The following JPH1 variants were observed in gnomAD, a reference collection of about 807,000 sequenced individuals.
The protein encoded by JPH1 is junctophilin-1.
JPH1 carries 12 observed loss-of-function variants against 53.6 expected under a neutral mutation model. The ratio of observed to expected loss-of-function variants is 0.22; its 90% confidence interval spans 0.14 to 0.36. The LOEUF is 0.36. Ranked by LOEUF, JPH1 falls within the 10% of genes least tolerant of loss-of-function variation. JPH1 has a pLI of 1.00. For missense variants in JPH1, 808 were observed against 905.5 expected (o/e 0.89, Z 1.38); for synonymous variants, 375 against 363.8 (o/e 1.03, Z -0.35).
chr8:74,300,929 T>A (rs1563417674), intron 2 of JPH1, among the ~76,000 whole-genome samples: 1 of 152,182 alleles, frequency 6.6e-6, no homozygotes, highest in African/African-American at 2.4e-5. Flanking sequence ...GGAGCCTTAC[T>A]GGCCCCCCGC....
chr8:74,318,583 G>A (rs75031211), intron 1 of JPH1, among the ~76,000 whole-genome samples: 3,398 of 152,224 alleles, frequency 0.022, 123 homozygotes, highest in African/African-American at 0.077. Flanking sequence ...TCAGCAACAT[G>A]TAATACACAA....
rs1285534127 is a variant in JPH1 at position 74,321,536 on chromosome 8, G to C, written c.-249C>G. Reference sequence around the variant, plus strand: ...CGCCGCCTGGGCCAGCGCCGCGCGCGAGAGGACAGCCCAGGTTCCCGAGCG... The same window carrying C: ...CGCCGCCTGGGCCAGCGCCGCGCGCCAGAGGACAGCCCAGGTTCCCGAGCG... On this transcript the variant is annotated 5_prime_UTR_variant, in exon 1 of 6. Transcript: ENST00000342232. The surrounding 1 kb of genome is among the most constrained non-coding windows in gnomAD (Gnocchi z 4.3). 1 of 417,894 alleles carries C rather than the reference G, an allele frequency of 2.4e-6. No homozygotes were observed. 25.9% of individuals were successfully genotyped at this position (417,894 alleles called of 1,614,324 possible).
chr8:74,308,737 G>A (rs554955122), intron 2 of JPH1, among the ~76,000 whole-genome samples: 6 of 152,242 alleles, frequency 3.9e-5, no homozygotes, highest in South Asian at 2.1e-4. Flanking sequence ...TAAGAGAAGC[G>A]GGGTTGAGGA....
chr8:74,273,151 CTTAAATG>C (rs1456952872), intron 2 of JPH1, among the ~76,000 whole-genome samples: 1 of 152,184 alleles, frequency 6.6e-6, no homozygotes, highest in Non-Finnish European at 1.5e-5. Flanking sequence ...TAACTACCAA[CTTAAATG>C]TTATAAGGTG....
At chr8:74,264,328 T>C (rs972469258) in intron 2 of JPH1, among the ~76,000 whole-genome samples, 4 of 152,142 alleles carry the variant, frequency 2.6e-5, no homozygotes, top group African/African-American at 9.7e-5. Flanking sequence ...TTTAAAGAGA[T>C]AGGACGTGGA....
chr8:74,289,019 T>A (rs994528229), intron 2 of JPH1, among the ~76,000 whole-genome samples: 1 of 152,178 alleles, frequency 6.6e-6, no homozygotes, highest in East Asian at 1.9e-4. Context: ...TGGGCCAATA[T>A]GGGCTCACCC....
At chr8:74,263,355 ACT>A (rs1806446734) in intron 2 of JPH1, among the ~76,000 whole-genome samples, 1 of 152,144 alleles carries the variant, frequency 6.6e-6, no homozygotes, top group Non-Finnish European at 1.5e-5. Context: ...TACTGATCTG[ACT>A]CTTAAAACTT....
In JPH1 at chr8:74,236,461, ATG is replaced by A. The variant is rs1322093763; in HGVS notation, c.*588_*589del. 5.2e-5 allele frequency: 8 copies of A among 152,570 alleles called. No individual in the cohort carries two copies. The highest frequency in any genetic ancestry group is 1.0e-4 in the Non-Finnish European group (7 of 68,036). The allele number at this position is 152,570 out of a possible 1,614,324, so 9.5% of individuals were successfully genotyped here. A position where few individuals can be genotyped will look rare whatever the true frequency, so the allele number is the denominator to read the frequency against. ...GTTCTCTCCCAGAACATTCCAGGAG[ATG>A]TTAAAGCAGCAGGTCATGGCATAAG... On this transcript the variant is annotated 3_prime_UTR_variant, in exon 6 of 6. Transcript: ENST00000342232.
chr8:74,321,472 A>C lies in JPH1; in HGVS notation c.-185T>G. ...TCCTCCCTCCTCTTTTGCCGCCGCCACCGCCGCCTTCCTCCTCCTCCTCCT... is the reference window on the plus strand; with the variant it reads ...TCCTCCCTCCTCTTTTGCCGCCGCCCCCGCCGCCTTCCTCCTCCTCCTCCT... On this transcript the variant is annotated 5_prime_UTR_variant, in exon 1 of 6. Coordinates refer to ENST00000342232, the MANE Select transcript of JPH1 (RefSeq NM_020647.4). This position sits in a 1 kb window ranked among gnomAD's most constrained non-coding sequence, Gnocchi z 4.3. 1 of 529,010 alleles carries C rather than the reference A, an allele frequency of 1.9e-6. No homozygotes were observed. Among genetic ancestry groups the C allele is most frequent in the South Asian group, 4.2e-5 (1 of 23,752 alleles). The allele number at this position is 529,010 out of a possible 1,614,324, so 32.8% of individuals were successfully genotyped here.
At chr8:74,319,780 G>A (rs899043793) in intron 1 of JPH1, among the ~76,000 whole-genome samples, 1 of 152,090 alleles carries the variant, frequency 6.6e-6, no homozygotes, top group African/African-American at 2.4e-5. Flanking sequence ...AAGTGATGTC[G>A]CCTCCTACAA....
intron 4 of JPH1, among the ~76,000 whole-genome samples, chr8:74,238,080 T>C (rs1189463846): frequency 1.3e-5 from 2 of 152,342 alleles, no homozygotes; most frequent in African/African-American, 4.8e-5. Context: ...AGAAGCCACC[T>C]TTATTACAAA....
rs1257984605 is a variant in JPH1, at chr8:74,237,124, A to G, written c.*15+84T>C. 3.5e-6 allele frequency: 3 copies of G among 863,450 alleles called. No homozygotes were observed. The East Asian group carries it at 7.4e-5, about 21-fold the overall frequency. 53.5% of individuals were successfully genotyped at this position (863,450 alleles called of 1,614,324 possible). A position where few individuals can be genotyped will look rare whatever the true frequency, so the allele number is the denominator to read the frequency against. On this transcript the variant is annotated intron_variant, in intron 5 of 5. Coordinates refer to ENST00000342232, the MANE Select transcript of JPH1 (RefSeq NM_020647.4). ...AAATTAAAGTGAAGGACAATACGTC[A>G]TTGTTAAAAAAAATAGCAAATTTGC...
intron 2 of JPH1, among the ~76,000 whole-genome samples, chr8:74,293,791 A>G (rs1048680162): frequency 6.6e-6 from 1 of 152,200 alleles, no homozygotes. Flanking sequence ...GCACTTTATC[A>G]GAGCTGAAAC....
At chr8:74,294,587 CT>C (rs1807447836) in intron 2 of JPH1, among the ~76,000 whole-genome samples, 1 of 152,234 alleles carries the variant, frequency 6.6e-6, no homozygotes, top group African/African-American at 2.4e-5. Flanking sequence ...TTGTCTGAAC[CT>C]CCACGTAGCT....
chr8:74,246,551 G>A (rs1404260025), intron 3 of JPH1, among the ~76,000 whole-genome samples: 6 of 151,898 alleles, frequency 4.0e-5, no homozygotes, highest in African/African-American at 1.5e-4. Flanking sequence ...ATCTTAGGGA[G>A]TAGGTGTTAT....
intron 1 of JPH1, among the ~76,000 whole-genome samples, chr8:74,316,143 C>G (rs1808151011): frequency 6.6e-6 from 1 of 152,148 alleles, no homozygotes; most frequent in Non-Finnish European, 1.5e-5. Context: ...AAATGAACGT[C>G]TTAAATTTTC....
chr8:74,272,049 T>C (rs1017829061), intron 2 of JPH1, among the ~76,000 whole-genome samples: 1 of 152,232 alleles, frequency 6.6e-6, no homozygotes, highest in African/African-American at 2.4e-5. Flanking sequence ...ATCAGGAGCT[T>C]TTACTAACGT....
At chr8:74,298,097 T>C (rs1223186535) in intron 2 of JPH1, among the ~76,000 whole-genome samples, 1 of 152,224 alleles carries the variant, frequency 6.6e-6, no homozygotes, top group East Asian at 1.9e-4. Context: ...AATCTCCAAT[T>C]TTGATGTATT....
chr8:74,236,329 T>C lies in JPH1; in HGVS notation c.*722A>G, dbSNP rs1806994802. ...ATTTTGTTGTTTCTTTTCCTTGAGA[T>C]GCAACACGTGTGTTTCGTCCGGCCA... is the stretch of plus-strand genomic sequence containing the variant. On this transcript the variant is annotated 3_prime_UTR_variant, in exon 6 of 6. Coordinates refer to ENST00000342232, the MANE Select transcript of JPH1 (RefSeq NM_020647.4). The C allele has an allele frequency of 6.6e-6, 1 of 152,328 alleles. No individual in the cohort carries two copies. Among genetic ancestry groups the C allele is most frequent in the Non-Finnish European group, 1.5e-5 (1 of 68,050 alleles). The allele number at this position is 152,328 out of a possible 1,614,324, so 9.4% of individuals were successfully genotyped here. A position where few individuals can be genotyped will look rare whatever the true frequency, so the allele number is the denominator to read the frequency against.
Sources: gnomAD v4.1 joint callset for allele counts (sites outside exome capture counted in the v4.1 genomes callset) on GRCh38, gnomAD v4.1.1 for gene constraint, Gnocchi (gnomAD v3.1) non-coding constraint, MANE v1.5 for transcripts, NCBI Gene and HGNC (gene_info 2026-07-23, HGNC 2026-07-21) for gene names.